SNTG2: variants seen among roughly 807,000 people sequenced by gnomAD.
SNTG2 encodes the protein syntrophin gamma 2.
Under a neutral mutation model 70.9 loss-of-function variants are expected in SNTG2, and 74 were observed. That is an observed-to-expected ratio of 1.04 (90% confidence interval 0.86 to 1.27). The LOEUF (loss-of-function observed/expected upper bound fraction) is 1.27, where lower values mean the gene tolerates loss of function less well. Among genes scored for constraint, SNTG2 ranks in the 50% most tolerant of loss-of-function variants. SNTG2 has a pLI of 0.00. For missense variants in SNTG2, 717 were observed against 690.7 expected (o/e 1.04, Z -0.43); for synonymous variants, 278 against 273.8 (o/e 1.02, Z -0.15).
chr2:987,638 TC>T (rs1042483863), intron 1 of SNTG2, among the ~76,000 whole-genome samples: 115 of 152,144 alleles, frequency 7.6e-4, no homozygotes, highest in Middle Eastern at 3.4e-3. Flanking sequence ...TTTCAGGACT[TC>T]CGAGTTCCAG....
At chr2:1,192,071 T>C (rs1358283176) in intron 8 of SNTG2, among the ~76,000 whole-genome samples, 1 of 152,050 alleles carries the variant, frequency 6.6e-6, no homozygotes, top group East Asian at 1.9e-4. Context: ...TAGATAAAAA[T>C]GAAGTAGTTG....
At chr2:1,116,100 C>T (rs984393760) in intron 4 of SNTG2, among the ~76,000 whole-genome samples, 2 of 152,186 alleles carry the variant, frequency 1.3e-5, no homozygotes, top group Admixed American at 6.5e-5. Context: ...GTGCAGTTCA[C>T]GTACACAATG....
intron 14 of SNTG2, among the ~76,000 whole-genome samples, chr2:1,293,269 GC>G (rs1680064402): frequency 6.6e-6 from 1 of 151,116 alleles, no homozygotes. Context: ...TACAGATAAA[GC>G]ATTGCCATTT....
chr2:1,119,319 T>A lies in SNTG2; in HGVS notation c.326-18303T>A, dbSNP rs187823621. ...AGCAGCTAGAAAAGTGTAATCACTA[T>A]CACAAATACACTTGAAGGTACCAAA... is the stretch of plus-strand genomic sequence containing the variant. On this transcript the variant is annotated intron_variant, in intron 4 of 16. Transcript: ENST00000308624. 2.4e-4 allele frequency among the ~76,000 whole-genome samples: 36 copies of A among 152,272 alleles called. 1 individual carries two copies. The highest frequency in any genetic ancestry group is 1.2e-3 in the Admixed American group (18 of 15,292).
At chr2:1,214,646 T>G (rs1281167217) in intron 9 of SNTG2, among the ~76,000 whole-genome samples, 5 of 152,174 alleles carry the variant, frequency 3.3e-5, no homozygotes, top group Non-Finnish European at 5.9e-5. Flanking sequence ...TTTTGAGTCT[T>G]TAGAGTTTTC....
At chr2:1,174,771 A>G (rs1252240436) in intron 8 of SNTG2, among the ~76,000 whole-genome samples, 1 of 152,090 alleles carries the variant, frequency 6.6e-6, no homozygotes, top group Non-Finnish European at 1.5e-5. Context: ...CATTTCCATC[A>G]TTACTAATGA....
chr2:1,028,433 A>C (rs1302029998), intron 1 of SNTG2, among the ~76,000 whole-genome samples: 1 of 152,224 alleles, frequency 6.6e-6, no homozygotes, highest in African/African-American at 2.4e-5. Flanking sequence ...GTAGCACCTG[A>C]ATGGACATCT....
chr2:1,198,823 T>A (rs1347619722), intron 8 of SNTG2, among the ~76,000 whole-genome samples: 1 of 151,872 alleles, frequency 6.6e-6, no homozygotes, highest in African/African-American at 2.4e-5. Context: ...CCTACCAAGA[T>A]TGAACCATGA....
chr2:980,087 C>T (rs974832252), intron 1 of SNTG2, among the ~76,000 whole-genome samples: 4 of 152,148 alleles, frequency 2.6e-5, no homozygotes, highest in African/African-American at 9.6e-5. Context: ...TTCCATGTGA[C>T]TTGTTTGAAT....
chr2:1,063,589 T>C (rs1662963850), intron 1 of SNTG2, among the ~76,000 whole-genome samples: 1 of 152,192 alleles, frequency 6.6e-6, no homozygotes, highest in Non-Finnish European at 1.5e-5. Flanking sequence ...ATGACCCACA[T>C]GTGTGATTTC....
chr2:955,439 T>G (rs901593796), intron 1 of SNTG2, among the ~76,000 whole-genome samples: 1 of 152,242 alleles, frequency 6.6e-6, no homozygotes, highest in Admixed American at 6.5e-5. Flanking sequence ...ACTTTTCCTC[T>G]TGTTTTTATT....
Position 976,810 on chromosome 2 carries a change from C to T in SNTG2, c.72+25742C>T, listed in dbSNP as rs568281142. Among the ~76,000 whole-genome samples the T allele has an allele frequency of 4.6e-5, 7 of 152,234 alleles. No homozygotes were observed. In the South Asian group the frequency reaches 1.5e-3, roughly 32 times the overall value. On this transcript the variant is annotated intron_variant, in intron 1 of 16. Coordinates refer to ENST00000308624, the MANE Select transcript of SNTG2 (RefSeq NM_018968.4). The stretch of plus-strand genomic sequence containing the variant: ...CAACCCCCACTCAAGAACCCCCATC[C>T]GTCTCCCTCCCTGCCTTACTGCTTC...
intron 4 of SNTG2, among the ~76,000 whole-genome samples, 180 bp from the exon 5 acceptor site, chr2:1,137,442 A>G (rs1668464815): frequency 6.6e-6 from 1 of 151,702 alleles, no homozygotes. Context: ...ACACACATGC[A>G]TACATTCACA....
chr2:1,222,115 GTCTCTCTCTGTC>G (rs1558553637), intron 9 of SNTG2, among the ~76,000 whole-genome samples: 6 of 22,076 alleles, frequency 2.7e-4, no homozygotes, highest in Non-Finnish European at 5.4e-4. Flanking sequence ...GTCTCTCTCT[GTCTCTCTCTGTC>G]TCTCTCTGTC....
At chr2:1,070,675 T>A (rs1481105017) in intron 1 of SNTG2, among the ~76,000 whole-genome samples, 2 of 152,302 alleles carry the variant, frequency 1.3e-5, no homozygotes, top group East Asian at 1.9e-4. Context: ...AAATCTATCT[T>A]GCCTCACAAT....
intron 4 of SNTG2, among the ~76,000 whole-genome samples, chr2:1,133,136 A>T (rs1417953089): frequency 3.3e-5 from 5 of 152,192 alleles, no homozygotes; most frequent in Non-Finnish European, 7.3e-5. Context: ...GTCCATAAGG[A>T]CTATGAAGGT....
Position 951,017 on chromosome 2 carries a change from G to GC in SNTG2, c.26dup (p.Ala10GlyfsTer25). ...CGGCGATGGGCACCGAGGGACCCCC[G>GC]CCCCCGGCCGCCTCCCGCGGACGCC... On this transcript the variant is annotated frameshift_variant, in exon 1 of 17. Transcript: ENST00000308624. LOFTEE classifies it high-confidence loss of function. 1 of 1,261,778 alleles carries GC rather than the reference G, an allele frequency of 7.9e-7. No homozygotes were observed. The highest frequency in any genetic ancestry group is 9.9e-7 in the Non-Finnish European group (1 of 1,006,508). 78.2% of individuals were successfully genotyped at this position (1,261,778 alleles called of 1,614,324 possible).
At chr2:1,201,996 T>C (rs949291017) in intron 8 of SNTG2, among the ~76,000 whole-genome samples, 12 of 152,022 alleles carry the variant, frequency 7.9e-5, no homozygotes, top group Non-Finnish European at 8.8e-5. Context: ...AAAAAGCTTA[T>C]TTTTAAAAAT....
intron 9 of SNTG2, among the ~76,000 whole-genome samples, chr2:1,212,139 T>C (rs1224566242): frequency 6.6e-6 from 1 of 152,144 alleles, no homozygotes; most frequent in Non-Finnish European, 1.5e-5. Flanking sequence ...AGGTGGGGCC[T>C]GGTGGGATTA....
Sources: gnomAD v4.1 joint callset for allele counts (sites outside exome capture counted in the v4.1 genomes callset) on GRCh38, gnomAD v4.1.1 for gene constraint, MANE v1.5 for transcripts, NCBI Gene and HGNC (gene_info 2026-07-23, HGNC 2026-07-21) for gene names.